The following RANBP2 variants were observed in gnomAD, a reference collection of about 807,000 sequenced individuals.
The protein encoded by RANBP2 is RAN binding protein 2.
In RANBP2, 57 loss-of-function variants were observed where a neutral mutation model predicts 303.6. The ratio of observed to expected loss-of-function variants is 0.19; its 90% CI spans 0.15 to 0.23. RANBP2 has a LOEUF of 0.23. Ranked by LOEUF, RANBP2 falls within the 10% of genes least tolerant of loss-of-function variation. The pLI is 1.00. For synonymous variants in RANBP2, 1,167 were observed against 1,301.5 expected (o/e 0.90, Z 2.23); for missense variants, 3,138 against 3,780.8 (o/e 0.83, Z 4.46).
the RANBP2 span, among the ~76,000 whole-genome samples, chr2:109,152,395 G>A: frequency 6.6e-6 from 1 of 152,188 alleles, no homozygotes; most frequent in Non-Finnish European, 1.5e-5. Flanking sequence ...GACATGTACA[G>A]CAAATCAAAT....
At chr2:109,690,464 G>A in the RANBP2 span, among the ~76,000 whole-genome samples, 50 of 152,310 alleles carry the variant, frequency 3.3e-4, no homozygotes, top group Non-Finnish European at 5.6e-4. Context: ...GAATAGAATG[G>A]AAGGCAGGTT....
chr2:109,404,030 A>C, the RANBP2 span, among the ~76,000 whole-genome samples: 3 of 152,210 alleles, frequency 2.0e-5, no homozygotes, highest in Admixed American at 6.5e-5. Context: ...ACCAGGCACC[A>C]GACACATCAT....
chr2:109,507,292 G>A, the RANBP2 span, among the ~76,000 whole-genome samples: 9 of 152,190 alleles, frequency 5.9e-5, no homozygotes, highest in Admixed American at 2.0e-4. Context: ...ACCAGGGACC[G>A]TCTTGGAATC....
the RANBP2 span, among the ~76,000 whole-genome samples, chr2:109,651,761 G>A: frequency 3.3e-5 from 5 of 152,166 alleles, no homozygotes; most frequent in Non-Finnish European, 7.4e-5. Flanking sequence ...AATGGGGAGA[G>A]CATGATGATG....
chr2:109,615,131 G>T, the RANBP2 span: 1 of 1,549,696 alleles, frequency 6.5e-7, no homozygotes, highest in Non-Finnish European at 8.7e-7. Context: ...GCAGCTCCCC[G>T]CAGCTGAAGA....
At chr2:109,253,697 G>GA in the RANBP2 span, among the ~76,000 whole-genome samples, 1 of 152,088 alleles carries the variant, frequency 6.6e-6, no homozygotes, top group African/African-American at 2.4e-5. Flanking sequence ...TGGCTGTCTG[G>GA]AAAATAGAAC....
the RANBP2 span, among the ~76,000 whole-genome samples, chr2:109,167,654 C>T: frequency 6.6e-6 from 1 of 152,228 alleles, no homozygotes; most frequent in Non-Finnish European, 1.5e-5. Flanking sequence ...TCACTGCAAC[C>T]TCAGCTTCCT....
chr2:108,984,777 C>T, the RANBP2 span, among the ~76,000 whole-genome samples: 1 of 152,126 alleles, frequency 6.6e-6, no homozygotes, highest in East Asian at 1.9e-4. Flanking sequence ...GATGTTCTCT[C>T]TCCTCACCCA....
chr2:109,436,674 A>G, the RANBP2 span, among the ~76,000 whole-genome samples: 2 of 152,222 alleles, frequency 1.3e-5, no homozygotes, highest in Non-Finnish European at 2.9e-5. Context: ...CGGCTTTGCT[A>G]TCTCTTAAAT....
chr2:109,546,304 G>A, the RANBP2 span: 1 of 1,068,952 alleles, frequency 9.4e-7, no homozygotes, highest in South Asian at 1.9e-5. Flanking sequence ...CTCCAGCTCA[G>A]CAACACAAAG....
At chr2:109,075,491 G>T in the RANBP2 span, among the ~76,000 whole-genome samples, 18 of 149,162 alleles carry the variant, frequency 1.2e-4, 1 homozygote, top group Admixed American at 7.4e-4. Context: ...CTCCCAAAGT[G>T]CTGGGATTAT....
At chr2:108,890,842 G>A in the RANBP2 span, among the ~76,000 whole-genome samples, 1 of 151,982 alleles carries the variant, frequency 6.6e-6, no homozygotes, top group African/African-American at 2.4e-5. Flanking sequence ...TGTCATGAAG[G>A]CTTTACTCAT....
At chr2:109,625,103 A>G in the RANBP2 span, among the ~76,000 whole-genome samples, 306 of 145,310 alleles carry the variant, frequency 2.1e-3, no homozygotes, top group South Asian at 0.018. Flanking sequence ...AAAAAAAAAA[A>G]AAAAGAAAAG....
intron 17 of RANBP2, among the ~76,000 whole-genome samples, chr2:108,756,298 A>G (rs904387248): frequency 5.9e-5 from 9 of 152,218 alleles, no homozygotes; most frequent in African/African-American, 9.6e-5. Flanking sequence ...TAATACTTCC[A>G]TATGAATTTG....
chr2:109,555,736 CCTGTT>C, the RANBP2 span, among the ~76,000 whole-genome samples: 1 of 152,194 alleles, frequency 6.6e-6, no homozygotes, highest in Non-Finnish European at 1.5e-5. Flanking sequence ...CCTCTTCCTC[CCTGTT>C]CTTTCTACCC....
the RANBP2 span, among the ~76,000 whole-genome samples, chr2:109,223,521 T>C: frequency 3.9e-5 from 6 of 152,182 alleles, no homozygotes; most frequent in Non-Finnish European, 8.8e-5. Context: ...ATGAGCAGAA[T>C]GGAAGCGTAG....
At chr2:108,918,487 C>T in the RANBP2 span, among the ~76,000 whole-genome samples, 4 of 152,268 alleles carry the variant, frequency 2.6e-5, no homozygotes, top group African/African-American at 9.6e-5. Context: ...ACCTGAGTTT[C>T]GAATAAGCAA....
chr2:108,891,745 CAGT>C, the RANBP2 span, among the ~76,000 whole-genome samples: 2 of 151,940 alleles, frequency 1.3e-5, no homozygotes, highest in Non-Finnish European at 2.9e-5. Flanking sequence ...TGAGCAATGG[CAGT>C]AGCAGTAGCA....
chr2:109,076,406 T>C, the RANBP2 span, among the ~76,000 whole-genome samples: 1 of 150,094 alleles, frequency 6.7e-6, no homozygotes, highest in Non-Finnish European at 1.5e-5. Context: ...TACTAGAAGT[T>C]CTAGCCAGAT....
Sources: allele counts gnomAD v4.1 joint callset (sites outside exome capture counted in the v4.1 genomes callset), GRCh38; gene constraint gnomAD v4.1.1; transcripts MANE v1.5; gene names NCBI Gene and HGNC (gene_info 2026-07-23, HGNC 2026-07-21).